Variants in TANC2 observed in about 807,000 individuals in gnomAD.
TANC2 encodes the protein protein TANC2.
Under a neutral mutation model 210.5 loss-of-function variants are expected in TANC2, and 26 were observed. The observed-to-expected ratio is 0.12, with a 90% CI of 0.09 to 0.17. The LOEUF (loss-of-function observed/expected upper bound fraction) is 0.17, where lower values mean the gene tolerates loss of function less well. Among genes scored for constraint, TANC2 ranks in the 10% least tolerant of loss-of-function variants. The pLI is 1.00. For synonymous variants in TANC2, 931 were observed against 967.1 expected (o/e 0.96, Z 0.69); for missense variants, 2,129 against 2,608.9 (o/e 0.82, Z 4.01).
At chr17:62,975,837 T>C (rs867181349) in intron 1 of TANC2, among the ~76,000 whole-genome samples, 1 of 152,158 alleles carries the variant, frequency 6.6e-6, no homozygotes, top group Non-Finnish European at 1.5e-5. Flanking sequence ...CTTAGGACGA[T>C]GTCTAGTACT....
chr17:63,087,576 C>T (rs1278496921), intron 3 of TANC2, among the ~76,000 whole-genome samples: 1 of 152,120 alleles, frequency 6.6e-6, no homozygotes, highest in Non-Finnish European at 1.5e-5. Context: ...ATACCATTCT[C>T]TGGTACATTT....
chr17:63,096,382 A>G lies in TANC2; in HGVS notation c.140-2793A>G, dbSNP rs1440684999. On this transcript the variant is annotated intron_variant, in intron 3 of 27. Coordinates refer to ENST00000689528, the Ensembl canonical transcript of TANC2. The stretch of plus-strand genomic sequence containing the variant: ...GAGAATAAATCCTAGATTTCTCCCA[A>G]CAGAAGTTTGGGATAAGATAATAGT... Among the ~76,000 whole-genome samples the G allele has an allele frequency of 2.0e-5, 3 of 152,286 alleles. No homozygotes were observed. In the East Asian group the frequency reaches 5.8e-4, roughly 29 times the overall value.
chr17:62,969,444 A>G (rs906318480), intron 1 of TANC2, among the ~76,000 whole-genome samples: 4 of 152,252 alleles, frequency 2.6e-5, no homozygotes, highest in Admixed American at 2.0e-4. Context: ...TGTGCCCATC[A>G]TAAAGCAAGT....
At chr17:63,070,482 C>A (rs2036358257) in intron 2 of TANC2, among the ~76,000 whole-genome samples, 1 of 152,198 alleles carries the variant, frequency 6.6e-6, no homozygotes, top group East Asian at 1.9e-4. Context: ...GAGCCGCCTT[C>A]TCATCCTTAC....
chr17:63,102,998 T>C (rs1042110524), intron 4 of TANC2, among the ~76,000 whole-genome samples: 1 of 152,082 alleles, frequency 6.6e-6, no homozygotes, highest in Non-Finnish European at 1.5e-5. Flanking sequence ...TACAGAAATA[T>C]GTGCCTAGGT....
chr17:63,372,959 A>C (rs1412534971), intron 14 of TANC2, among the ~76,000 whole-genome samples: 1 of 143,872 alleles, frequency 7.0e-6, no homozygotes, highest in Non-Finnish European at 1.5e-5. Flanking sequence ...CAGTAGCACG[A>C]TCACAATTTG....
chr17:63,089,625 T>A (rs116559164), intron 3 of TANC2, among the ~76,000 whole-genome samples: 1,865 of 152,286 alleles, frequency 0.012, 34 homozygotes, highest in African/African-American at 0.042. Flanking sequence ...TAATTTTTTT[T>A]AATATTTAAT....
intron 4 of TANC2, among the ~76,000 whole-genome samples, chr17:63,127,768 C>T (rs931659795): frequency 6.6e-6 from 1 of 152,168 alleles, no homozygotes; most frequent in African/African-American, 2.4e-5. Context: ...TCAGACCTTT[C>T]TCATTTTATT....
chr17:63,299,534 C>CTTTTTT (rs201041332), intron 9 of TANC2, among the ~76,000 whole-genome samples: 1 of 126,552 alleles, frequency 7.9e-6, no homozygotes, highest in Non-Finnish European at 1.7e-5. Flanking sequence ...TGATGTTAAG[C>CTTTTTT]TTTTTTTTTT....
intron 2 of TANC2, among the ~76,000 whole-genome samples, chr17:63,042,230 G>A (rs1246591494): frequency 6.6e-6 from 1 of 151,976 alleles, no homozygotes; most frequent in Non-Finnish European, 1.5e-5. Flanking sequence ...CTGGGGGAGG[G>A]AAAGTTACTG....
intron 8 of TANC2, among the ~76,000 whole-genome samples, chr17:63,264,689 A>G (rs1197516536): frequency 6.6e-6 from 1 of 152,122 alleles, no homozygotes; most frequent in Non-Finnish European, 1.5e-5. Context: ...ATGGAAAGTA[A>G]ACTGCTAATA....
intron 11 of TANC2, among the ~76,000 whole-genome samples, chr17:63,333,828 G>A (rs375853728): frequency 6.6e-6 from 1 of 152,200 alleles, no homozygotes; most frequent in African/African-American, 2.4e-5. Flanking sequence ...CATCAACATC[G>A]AGGGAAGACC....
chr17:63,305,157 A>T (rs1210200764), intron 9 of TANC2: 1 of 152,292 alleles, frequency 6.6e-6, no homozygotes, highest in African/African-American at 2.4e-5. Context: ...CCGAGTGGCT[A>T]TTGAGAATCT....
intron 17 of TANC2, among the ~76,000 whole-genome samples, chr17:63,395,049 A>C (rs1207870666): frequency 6.6e-6 from 1 of 152,204 alleles, no homozygotes; most frequent in East Asian, 1.9e-4. Context: ...AGAAAAGGCT[A>C]CTCATCTAAT....
intron 17 of TANC2, chr17:63,393,462 A>G (rs1190510671): frequency 3.9e-5 from 6 of 152,178 alleles, no homozygotes; most frequent in Non-Finnish European, 8.8e-5. Context: ...AAGGCCTCCA[A>G]TACGGAATAA....
chr17:62,975,001 G>A (rs959738980), intron 1 of TANC2, among the ~76,000 whole-genome samples: 1 of 152,142 alleles, frequency 6.6e-6, no homozygotes. Flanking sequence ...TGACGTAGCT[G>A]ATTATAAAGA....
intron 9 of TANC2, among the ~76,000 whole-genome samples, chr17:63,302,800 G>C (rs991909239): frequency 6.6e-6 from 1 of 151,632 alleles, no homozygotes; most frequent in African/African-American, 2.4e-5. Context: ...GTCTTGCTCT[G>C]TTGCCCAGGG....
intron 21 of TANC2, among the ~76,000 whole-genome samples, chr17:63,410,346 C>G (rs944264536): frequency 3.8e-4 from 49 of 128,226 alleles, no homozygotes; most frequent in African/African-American, 1.2e-3. Flanking sequence ...ATCCCCCCCC[C>G]CCATCTCCTA....
At chr17:63,173,512 A>G (rs749345452) in intron 5 of TANC2, among the ~76,000 whole-genome samples, 5 of 152,138 alleles carry the variant, frequency 3.3e-5, no homozygotes, top group African/African-American at 1.2e-4. Flanking sequence ...AATCAATCTC[A>G]TGGTATGCCC....
Sources: gnomAD v4.1 joint callset for allele counts (sites outside exome capture counted in the v4.1 genomes callset) on GRCh38, gnomAD v4.1.1 for gene constraint, MANE v1.5 for transcripts, NCBI Gene and HGNC (gene_info 2026-07-23, HGNC 2026-07-21) for gene names.